Variants in PPM1L observed in about 807,000 individuals in gnomAD.
The protein encoded by PPM1L is protein phosphatase, Mg2+/Mn2+ dependent 1L, also known as protein phosphatase 1L.
PPM1L carries 13 observed loss-of-function variants against 31.4 expected under a neutral mutation model. The observed-to-expected ratio is 0.41, with a 90% CI of 0.27 to 0.66. PPM1L has a LOEUF of 0.66. PPM1L is among the 30% of genes least tolerant of loss of function. The probability of loss-of-function intolerance (pLI) is 0.29; values close to 1 mark genes in which losing one functional copy is unlikely to be tolerated. For synonymous variants in PPM1L, 184 were observed against 175.4 expected (o/e 1.05, Z -0.39); for missense variants, 326 against 453.7 (o/e 0.72, Z 2.56).
intron 1 of PPM1L, among the ~76,000 whole-genome samples, chr3:160,859,854 G>T (rs988889288): frequency 2.0e-5 from 3 of 152,286 alleles, no homozygotes; most frequent in Admixed American, 1.3e-4. Flanking sequence ...GGTTTATGAG[G>T]TGGTGATGTC....
intron 1 of PPM1L, among the ~76,000 whole-genome samples, chr3:160,864,060 T>G (rs1711999039): frequency 6.6e-6 from 1 of 152,214 alleles, no homozygotes; most frequent in Non-Finnish European, 1.5e-5. Flanking sequence ...TCAGAACATT[T>G]TATTAGATTT....
chr3:160,814,498 T>TATATGTATGTGTATATATATACACACAC (rs1304541110), intron 1 of PPM1L, among the ~76,000 whole-genome samples: 1 of 144,526 alleles, frequency 6.9e-6, no homozygotes, highest in Non-Finnish European at 1.5e-5. Context: ...CACACACACA[T>TATATGTATGTGTATATATATACACACAC]ATATGTATGT....
chr3:161,002,612 GT>G (rs1358710308), intron 2 of PPM1L, among the ~76,000 whole-genome samples: 1 of 147,960 alleles, frequency 6.8e-6, no homozygotes, highest in Admixed American at 6.7e-5. Context: ...TTTTTCATGT[GT>G]TTTTTGGCTG....
intron 2 of PPM1L, among the ~76,000 whole-genome samples, chr3:161,012,283 T>C (rs1174371911): frequency 6.6e-6 from 1 of 152,138 alleles, no homozygotes; most frequent in African/African-American, 2.4e-5. Context: ...CATCATGTGG[T>C]TTTTGTCTTT....
At chr3:160,777,008 C>T (rs1409054777) in intron 1 of PPM1L, among the ~76,000 whole-genome samples, 1 of 151,934 alleles carries the variant, frequency 6.6e-6, no homozygotes, top group East Asian at 1.9e-4. Flanking sequence ...CTTTCCATTT[C>T]TTCTAGTATG....
intron 1 of PPM1L, among the ~76,000 whole-genome samples, chr3:160,924,880 A>G (rs1714534106): frequency 6.6e-6 from 1 of 152,228 alleles, no homozygotes. Context: ...ATAGGAAACA[A>G]TTCGCATTTA....
rs562007256 is a variant in PPM1L, at chr3:160,756,236, C to G, written c.-73C>G. ...CGCCTCCCTCCCGGCGGGCTGTCCC[C>G]GCAGTGCTCCCGGACCCGGCGAGCC... On this transcript the variant is annotated 5_prime_UTR_variant, in exon 1 of 4. Transcript: ENST00000498165. The surrounding 1 kb of genome is among the most constrained non-coding windows in gnomAD (Gnocchi z 6.2). 5.2e-6 allele frequency: 8 copies of G among 1,526,764 alleles called. No homozygotes were observed. The highest frequency in any genetic ancestry group is 4.1e-5 in the African/African-American group (3 of 73,220). 94.6% of individuals were successfully genotyped at this position (1,526,764 alleles called of 1,614,324 possible). A position where few individuals can be genotyped will look rare whatever the true frequency, so the allele number is the denominator to read the frequency against.
intron 1 of PPM1L, among the ~76,000 whole-genome samples, chr3:160,894,547 T>A (rs1392224203): frequency 1.3e-5 from 2 of 152,326 alleles, no homozygotes; most frequent in Middle Eastern, 3.4e-3. Flanking sequence ...AAATATTACC[T>A]ATTTGAGTTG....
intron 1 of PPM1L, among the ~76,000 whole-genome samples, chr3:160,944,019 C>G (rs1433544570): frequency 6.6e-6 from 1 of 152,072 alleles, no homozygotes; most frequent in Non-Finnish European, 1.5e-5. Flanking sequence ...CTGGAACTTG[C>G]TTGTTGCAAC....
intron 1 of PPM1L, among the ~76,000 whole-genome samples, chr3:160,940,322 G>T (rs904863258): frequency 6.6e-6 from 1 of 152,206 alleles, no homozygotes; most frequent in African/African-American, 2.4e-5. Flanking sequence ...GCCAGCTGCA[G>T]AAATTTGCAT....
At chr3:160,838,309 T>A (rs1284654129) in intron 1 of PPM1L, among the ~76,000 whole-genome samples, 6 of 152,138 alleles carry the variant, frequency 3.9e-5, no homozygotes, top group Non-Finnish European at 5.9e-5. Flanking sequence ...TGAGTTAAAG[T>A]GTAAAACCAA....
chr3:160,852,496 T>C (rs551221410), intron 1 of PPM1L, among the ~76,000 whole-genome samples: 2 of 152,192 alleles, frequency 1.3e-5, no homozygotes, highest in Non-Finnish European at 2.9e-5. Context: ...TCCTTACATT[T>C]GAATAATTTA....
intron 1 of PPM1L, among the ~76,000 whole-genome samples, chr3:160,949,079 A>G (rs191486791): frequency 4.7e-4 from 72 of 152,298 alleles, no homozygotes; most frequent in Non-Finnish European, 7.2e-4. Context: ...AAAGAAGGCA[A>G]TCCCCTCTTT....
At chr3:160,977,213 C>A (rs1716619900) in intron 2 of PPM1L, among the ~76,000 whole-genome samples, 1 of 152,086 alleles carries the variant, frequency 6.6e-6, no homozygotes, top group Non-Finnish European at 1.5e-5. Flanking sequence ...GTGGCTTAGG[C>A]CATTTCTGAT....
intron 1 of PPM1L, among the ~76,000 whole-genome samples, chr3:160,923,265 T>C (rs1714475276): frequency 6.6e-6 from 1 of 152,240 alleles, no homozygotes; most frequent in Admixed American, 6.5e-5. Flanking sequence ...CAGCTCCTGT[T>C]GAAGCCAGTA....
intron 2 of PPM1L, among the ~76,000 whole-genome samples, chr3:161,049,120 A>G (rs1233124390): frequency 1.3e-5 from 2 of 151,802 alleles, no homozygotes; most frequent in Non-Finnish European, 2.9e-5. Flanking sequence ...TCTCCAAAAC[A>G]TACAAAAATT....
chr3:161,041,930 C>G (rs1275708987), intron 2 of PPM1L, among the ~76,000 whole-genome samples: 1 of 152,122 alleles, frequency 6.6e-6, no homozygotes, highest in Admixed American at 6.6e-5. Flanking sequence ...TAGTCATCAT[C>G]ATTGTTAAAA....
intron 1 of PPM1L, among the ~76,000 whole-genome samples, chr3:160,834,696 A>T (rs1382434453): frequency 6.6e-6 from 1 of 151,864 alleles, no homozygotes; most frequent in Non-Finnish European, 1.5e-5. Flanking sequence ...TTTGAGATTG[A>T]CTCTTTTGCC....
intron 2 of PPM1L, among the ~76,000 whole-genome samples, chr3:161,003,794 A>G (rs985360600): frequency 3.3e-5 from 5 of 151,616 alleles, no homozygotes; most frequent in Non-Finnish European, 7.4e-5. Context: ...AACAGGGACA[A>G]TTTGACTTCC....
Sources: allele counts gnomAD v4.1 joint callset (sites outside exome capture counted in the v4.1 genomes callset), GRCh38; gene constraint gnomAD v4.1.1; non-coding constraint Gnocchi (gnomAD v3.1); transcripts MANE v1.5; gene names NCBI Gene and HGNC (gene_info 2026-07-23, HGNC 2026-07-21).